Variants in FBXO11 observed in about 807,000 individuals in gnomAD.
The protein encoded by FBXO11 is F-box protein 11, also known as F-box only protein 11.
In FBXO11, 13 loss-of-function variants were observed where a neutral mutation model predicts 117.0. That is an observed-to-expected ratio of 0.11 (90% confidence interval 0.07 to 0.18). FBXO11 has a LOEUF of 0.18. Among genes scored for constraint, FBXO11 ranks in the 10% least tolerant of loss-of-function variants. The pLI is 1.00. For missense variants in FBXO11, 767 were observed against 1,164.4 expected, an observed-to-expected ratio of 0.66 and a Z score of 4.97; for synonymous variants, 490 against 380.5, an observed-to-expected ratio of 1.29 and a Z score of -3.35.
chr2:47,872,606 G>A (rs1047471422), intron 1 of FBXO11, among the ~76,000 whole-genome samples: 15 of 152,194 alleles, frequency 9.9e-5, no homozygotes, highest in African/African-American at 3.4e-4. Flanking sequence ...TTACAGGCGT[G>A]AGCCACCGTG....
At chr2:47,845,318 A>G (rs1673322171) in intron 1 of FBXO11, among the ~76,000 whole-genome samples, 1 of 152,222 alleles carries the variant, frequency 6.6e-6, no homozygotes, top group African/African-American at 2.4e-5. Context: ...TAAGTCATGA[A>G]TACCACAGAA....
At chr2:47,891,481 G>A (rs562779930) in intron 1 of FBXO11, among the ~76,000 whole-genome samples, 21 of 152,258 alleles carry the variant, frequency 1.4e-4, no homozygotes, top group African/African-American at 5.1e-4. Flanking sequence ...ACATTCCATT[G>A]CATGTATACA....
Position 47,905,517 on chromosome 2 carries a change from A to AGGCAGC in FBXO11, c.198_203dup (p.Leu67_Pro68dup). The AGGCAGC allele has an allele frequency of 1.6e-6, 2 of 1,233,928 alleles. No individual in the cohort carries two copies. Among genetic ancestry groups the AGGCAGC allele is most frequent in the Admixed American group, 4.3e-5 (1 of 23,298 alleles). The allele number at this position is 1,233,928 out of a possible 1,614,324, so 76.4% of individuals were successfully genotyped here. A position where few individuals can be genotyped will look rare whatever the true frequency, so the allele number is the denominator to read the frequency against. ...GCTCGCCGACGTTGTTCCGCTCCTGAGGCAGCGGCGGAGGCGGCGGTGGCG... is the reference window on the plus strand; with the variant it reads ...GCTCGCCGACGTTGTTCCGCTCCTGAGGCAGCGGCAGCGGCGGAGGCGGCGGTGGCG... On this transcript the variant is annotated inframe_insertion, in exon 1 of 23. Transcript: ENST00000403359.
At chr2:47,832,742 A>G in intron 9 of FBXO11, 27 bp downstream of exon 9, 3 of 1,607,600 alleles carry the variant, frequency 1.9e-6, no homozygotes, top group Non-Finnish European at 1.7e-6. Context: ...TCAAAATTTT[A>G]TTGTAAAATA....
chr2:47,857,317 TG>T (rs1405380955), intron 1 of FBXO11, among the ~76,000 whole-genome samples: 1 of 152,048 alleles, frequency 6.6e-6, no homozygotes, highest in African/African-American at 2.4e-5. Flanking sequence ...GACAGGGTTT[TG>T]TTTTGTTGCC....
intron 1 of FBXO11, among the ~76,000 whole-genome samples, chr2:47,900,643 T>C (rs923681216): frequency 1.1e-5 from 1 of 87,828 alleles, no homozygotes; most frequent in Non-Finnish European, 2.7e-5. Flanking sequence ...CACGTACGTA[T>C]ATACACACGT....
At chr2:47,812,722 C>CATCT (rs1277023399) in intron 18 of FBXO11, 1 of 175,110 alleles carries the variant, frequency 5.7e-6, no homozygotes, top group Non-Finnish European at 1.2e-5. Context: ...TGTATACATG[C>CATCT]ATCTGTAAGG....
At chr2:47,830,321 T>TGGATA (rs1405594068) in intron 11 of FBXO11, among the ~76,000 whole-genome samples, 1 of 151,938 alleles carries the variant, frequency 6.6e-6, no homozygotes, top group Non-Finnish European at 1.5e-5. Flanking sequence ...TAAAAGGCAA[T>TGGATA]GGATAGGGAT....
At chr2:47,834,898 C>T in intron 5 of FBXO11, 27 bp from the exon 6 acceptor site, 1 of 1,496,620 alleles carries the variant, frequency 6.7e-7, no homozygotes, top group Non-Finnish European at 9.3e-7. Flanking sequence ...AAAACAAAAC[C>T]ATTGACTACT....
intron 4 of FBXO11, among the ~76,000 whole-genome samples, chr2:47,838,283 T>G (rs1052313216): frequency 1.3e-5 from 2 of 152,108 alleles, no homozygotes; most frequent in Non-Finnish European, 2.9e-5. Context: ...AGTGGTTATA[T>G]CACAACTCTC....
chr2:47,877,041 G>A (rs1160998069), intron 1 of FBXO11, among the ~76,000 whole-genome samples: 1 of 149,426 alleles, frequency 6.7e-6, no homozygotes, highest in Admixed American at 6.6e-5. Context: ...CTTAATACAG[G>A]GTTTTTTTTT....
At chr2:47,841,620 G>GTGTTTATACCAAAGAA (rs767692293) in intron 1 of FBXO11, among the ~76,000 whole-genome samples, 26 of 152,072 alleles carry the variant, frequency 1.7e-4, no homozygotes, top group Admixed American at 1.6e-3. Context: ...CATTAAGAAT[G>GTGTTTATACCAAAGAA]TACCCTTTGG....
At chr2:47,881,221 C>T (rs112411481) in intron 1 of FBXO11, among the ~76,000 whole-genome samples, 1,980 of 152,256 alleles carry the variant, frequency 0.013, 33 homozygotes, top group African/African-American at 0.043. Flanking sequence ...CACTGTCCTC[C>T]AGCCTGGGTG....
At chr2:47,856,247 T>C (rs1674284451) in intron 1 of FBXO11, among the ~76,000 whole-genome samples, 1 of 152,178 alleles carries the variant, frequency 6.6e-6, no homozygotes, top group Non-Finnish European at 1.5e-5. Context: ...AAAGATAGAT[T>C]AAATAGATTT....
intron 1 of FBXO11, among the ~76,000 whole-genome samples, chr2:47,864,479 C>A (rs1298814738): frequency 6.6e-6 from 1 of 151,722 alleles, no homozygotes; most frequent in Non-Finnish European, 1.5e-5. Context: ...CTCAGCTACT[C>A]GGGAGGCTGA....
At position 47,839,112 on chromosome 2, in the gene FBXO11, G is replaced by C. The variant is rs1459438093; in HGVS notation, c.443-109C>G. Reference sequence around the variant, plus strand: ...GAATAGCTTTTTTTTTTTGGATAATGGTCATTTTATAAGCATGTGGGTTTC... The same window carrying C: ...GAATAGCTTTTTTTTTTTGGATAATCGTCATTTTATAAGCATGTGGGTTTC... On this transcript the variant is annotated intron_variant, in intron 3 of 22. Coordinates refer to ENST00000403359, the MANE Select transcript of FBXO11 (RefSeq NM_001190274.2). The C allele has an allele frequency of 6.2e-6, 7 of 1,133,044 alleles. No homozygotes were observed. In the Admixed American group the frequency reaches 1.9e-4, roughly 30 times the overall value. 70.2% of individuals were successfully genotyped at this position (1,133,044 alleles called of 1,614,324 possible). A position where few individuals can be genotyped will look rare whatever the true frequency, so the allele number is the denominator to read the frequency against.
At chr2:47,870,652 G>GTGC (rs1366690985) in intron 1 of FBXO11, among the ~76,000 whole-genome samples, 1 of 152,190 alleles carries the variant, frequency 6.6e-6, no homozygotes, top group East Asian at 1.9e-4. Flanking sequence ...AAGAATCATG[G>GTGC]TGCTGCTGCT....
At chr2:47,839,806 T>C in intron 1 of FBXO11, 37 bp from the exon 2 acceptor site, 1 of 1,571,152 alleles carries the variant, frequency 6.4e-7, no homozygotes, top group Non-Finnish European at 8.6e-7. Flanking sequence ...AATTATACCC[T>C]TTTTAAAAAA....
intron 11 of FBXO11, among the ~76,000 whole-genome samples, chr2:47,825,977 A>C (rs1671726179): frequency 6.6e-6 from 1 of 152,152 alleles, no homozygotes; most frequent in South Asian, 2.1e-4. Context: ...CTGACTAAAC[A>C]GTATTCAAAT....
Sources: gnomAD v4.1 joint callset for allele counts (sites outside exome capture counted in the v4.1 genomes callset) on GRCh38, gnomAD v4.1.1 for gene constraint, MANE v1.5 for transcripts, NCBI Gene and HGNC (gene_info 2026-07-23, HGNC 2026-07-21) for gene names.